RIT2: variants seen among roughly 807,000 people sequenced by gnomAD.
RIT2 encodes the protein Ras like without CAAX 2.
In RIT2, 24 loss-of-function variants were observed where a neutral mutation model predicts 23.7. That is an observed-to-expected ratio of 1.01 (90% confidence interval 0.73 to 1.43). The LOEUF (loss-of-function observed/expected upper bound fraction) is 1.43, where lower values mean the gene tolerates loss of function less well. RIT2 is among the 40% of genes most tolerant of loss of function. The probability of loss-of-function intolerance (pLI) is 0.00; values close to 1 mark genes in which losing one functional copy is unlikely to be tolerated. For synonymous variants in RIT2, 107 were observed against 91.1 expected (o/e 1.17, Z -0.99); for missense variants, 236 against 266.9 (o/e 0.88, Z 0.81).
intron 4 of RIT2, among the ~76,000 whole-genome samples, chr18:42,805,936 G>C (rs1163185249): frequency 1.3e-5 from 2 of 151,624 alleles, no homozygotes; most frequent in Non-Finnish European, 2.9e-5. Flanking sequence ...CATACTTTCA[G>C]GTAAAAATAG....
At chr18:42,869,917 T>C (rs1465681252) in intron 4 of RIT2, among the ~76,000 whole-genome samples, 2 of 152,252 alleles carry the variant, frequency 1.3e-5, no homozygotes, top group Non-Finnish European at 2.9e-5. Context: ...CTCTACTCTC[T>C]GCCTGTTGGT....
chr18:43,076,312 A>G (rs755827712), intron 1 of RIT2, among the ~76,000 whole-genome samples: 1 of 152,168 alleles, frequency 6.6e-6, no homozygotes, highest in Non-Finnish European at 1.5e-5. Context: ...GTCTACTTAG[A>G]GCTGCATAAC....
chr18:43,114,661 TATTTTTTTA>T (rs1314824508), intron 1 of RIT2, among the ~76,000 whole-genome samples: 1 of 152,208 alleles, frequency 6.6e-6, no homozygotes, highest in Non-Finnish European at 1.5e-5. Flanking sequence ...ACTATGTATC[TATTTTTTTA>T]ATTTTTTTAT....
At chr18:42,794,585 A>G (rs7238693) in intron 4 of RIT2, among the ~76,000 whole-genome samples, 49,454 of 152,120 alleles carry the variant, frequency 0.33, 10,748 homozygotes, top group African/African-American at 0.61. Context: ...CAGATAGTTA[A>G]ATCTTAGAGA....
intron 2 of RIT2, among the ~76,000 whole-genome samples, chr18:43,015,336 A>C (rs1911449351): frequency 6.6e-6 from 1 of 151,758 alleles, no homozygotes; most frequent in Non-Finnish European, 1.5e-5. Flanking sequence ...TAGCAATGTC[A>C]TTCACTGACT....
At chr18:42,946,809 G>C (rs1909738537) in intron 3 of RIT2, among the ~76,000 whole-genome samples, 2 of 152,122 alleles carry the variant, frequency 1.3e-5, no homozygotes, top group Middle Eastern at 6.8e-3. Flanking sequence ...AATTTAGTGA[G>C]TTAGCATCCA....
intron 4 of RIT2, among the ~76,000 whole-genome samples, chr18:42,867,210 G>A (rs368318911): frequency 4.1e-4 from 62 of 152,120 alleles, no homozygotes; most frequent in African/African-American, 1.4e-3. Context: ...AGGCTTTGTG[G>A]GGATTCTGTA....
chr18:42,749,789 A>G (rs1191994601), intron 4 of RIT2, among the ~76,000 whole-genome samples: 1 of 151,898 alleles, frequency 6.6e-6, no homozygotes, highest in Non-Finnish European at 1.5e-5. Context: ...TGTCCTAAAC[A>G]TTAGACAAAA....
intron 1 of RIT2, among the ~76,000 whole-genome samples, chr18:43,104,752 GT>G (rs1033047280): frequency 1.3e-5 from 2 of 152,040 alleles, no homozygotes; most frequent in African/African-American, 4.8e-5. Context: ...ATTAGCTGAA[GT>G]TTTTACAATT....
intron 4 of RIT2, among the ~76,000 whole-genome samples, chr18:42,873,837 T>A (rs1031307442): frequency 1.1e-4 from 17 of 152,118 alleles, no homozygotes; most frequent in Admixed American, 1.0e-3. Flanking sequence ...AACTTCTCTA[T>A]CCTTGGAAAT....
chr18:42,888,869 T>G (rs79803566), intron 4 of RIT2, among the ~76,000 whole-genome samples: 16,137 of 152,038 alleles, frequency 0.11, 974 homozygotes, highest in Middle Eastern at 0.25. Context: ...TGAGCACATG[T>G]GGACATAAAC....
At chr18:42,759,517 G>A (rs1453804065) in intron 4 of RIT2, among the ~76,000 whole-genome samples, 9 of 151,958 alleles carry the variant, frequency 5.9e-5, no homozygotes, top group Non-Finnish European at 1.3e-4. Flanking sequence ...TAAAGAGATG[G>A]TGCACAAGAC....
At chr18:42,975,575 T>C (rs528519818) in intron 2 of RIT2, among the ~76,000 whole-genome samples, 67 of 152,188 alleles carry the variant, frequency 4.4e-4, no homozygotes, top group African/African-American at 1.5e-3. Context: ...ATAGTGATAA[T>C]GGCAAGGTTA....
At chr18:43,062,598 C>T (rs1912673764) in intron 1 of RIT2, among the ~76,000 whole-genome samples, 1 of 152,130 alleles carries the variant, frequency 6.6e-6, no homozygotes, top group Non-Finnish European at 1.5e-5. Flanking sequence ...TACCCTTTGT[C>T]TTCAGAAGAA....
At chr18:42,821,181 T>C (rs918798893) in intron 4 of RIT2, among the ~76,000 whole-genome samples, 1 of 152,068 alleles carries the variant, frequency 6.6e-6, no homozygotes, top group African/African-American at 2.4e-5. Flanking sequence ...TTTATAGCAA[T>C]GAAAAACGGA....
chr18:43,111,174 G>A (rs1913943994), intron 1 of RIT2, among the ~76,000 whole-genome samples: 1 of 152,142 alleles, frequency 6.6e-6, no homozygotes, highest in Non-Finnish European at 1.5e-5. Context: ...GGAGATCATT[G>A]TGTCAAGTGA....
intron 2 of RIT2, among the ~76,000 whole-genome samples, chr18:42,984,143 C>T (rs1910656341): frequency 6.6e-6 from 1 of 152,068 alleles, no homozygotes; most frequent in Non-Finnish European, 1.5e-5. Context: ...TAGCAAAAAA[C>T]TGTACACATA....
chr18:43,100,401 A>G (rs1358866594), intron 1 of RIT2, among the ~76,000 whole-genome samples: 1 of 152,110 alleles, frequency 6.6e-6, no homozygotes, highest in Non-Finnish European at 1.5e-5. Context: ...AGGACATGAG[A>G]TCACAGAAGT....
At chr18:42,998,724 G>A (rs1020649005) in intron 2 of RIT2, among the ~76,000 whole-genome samples, 1 of 152,012 alleles carries the variant, frequency 6.6e-6, no homozygotes, top group Non-Finnish European at 1.5e-5. Context: ...TGTATAGCCA[G>A]ACTGGGCTCC....
Sources: gnomAD v4.1 joint callset for allele counts (sites outside exome capture counted in the v4.1 genomes callset) on GRCh38, gnomAD v4.1.1 for gene constraint, MANE v1.5 for transcripts, NCBI Gene and HGNC (gene_info 2026-07-23, HGNC 2026-07-21) for gene names.